SLC2A4: variants seen among roughly 807,000 people sequenced by gnomAD.
The protein encoded by SLC2A4 is solute carrier family 2, facilitated glucose transporter member 4.
SLC2A4 carries 31 observed loss-of-function variants against 53.3 expected under a neutral mutation model. That is an observed-to-expected ratio of 0.58 (90% CI 0.44 to 0.78). The LOEUF (loss-of-function observed/expected upper bound fraction) is 0.78, where lower values mean the gene tolerates loss of function less well. Ranked by LOEUF, SLC2A4 falls within the 30% of genes least tolerant of loss-of-function variation. The probability of loss-of-function intolerance (pLI) is 0.00; values close to 1 mark genes in which losing one functional copy is unlikely to be tolerated. For missense variants in SLC2A4, 538 were observed against 655.7 expected (o/e 0.82, Z 1.96); for synonymous variants, 276 against 281.9 (o/e 0.98, Z 0.21).
chr17:7,285,595 C>A lies in SLC2A4; in HGVS notation c.1123-110C>A. The A allele has an allele frequency of 9.6e-7, 1 of 1,037,640 alleles. No homozygotes were observed. The highest frequency in any genetic ancestry group is 2.5e-5 in the East Asian group (1 of 40,020). The allele number at this position is 1,037,640 out of a possible 1,614,324, so 64.3% of individuals were successfully genotyped here. On this transcript the variant is annotated intron_variant, in intron 9 of 10. Coordinates refer to ENST00000317370, the MANE Select transcript of SLC2A4 (RefSeq NM_001042.3). The surrounding 1 kb of genome is among the most constrained non-coding windows in gnomAD (Gnocchi z 6.0). ...CCTGCTCTAACCCGGGACAGCAGGC[C>A]CCCTACAAGCTGCTGCGGAGGGGGT...
rs1458847190 is a variant in SLC2A4 at position 7,282,954 on chromosome 17, T to C, written c.34-291T>C. ...TGGCCAAGGTCACACAAATCTGAGC[T>C]CTTAAGGCCAAGCCTGTCTCAAGGT... On this transcript the variant is annotated intron_variant, in intron 1 of 10. Transcript: ENST00000317370. The surrounding 1 kb of genome is among the most constrained non-coding windows in gnomAD (Gnocchi z 4.1). 2.3e-6 allele frequency: 1 copy of C among 430,216 alleles called. No homozygotes were observed. The highest frequency in any genetic ancestry group is 3.5e-5 in the Admixed American group (1 of 28,858). The allele number at this position is 430,216 out of a possible 1,614,324, so 26.6% of individuals were successfully genotyped here.
Position 7,283,546 on chromosome 17 carries a change from G to T in SLC2A4, c.224G>T (p.Gly75Val). 1 of 1,614,008 alleles carries T rather than the reference G, an allele frequency of 6.2e-7. No individual in the cohort carries two copies. Among genetic ancestry groups the T allele is most frequent in the Non-Finnish European group, 8.5e-7 (1 of 1,180,000 alleles). ...GPEGPSSIPP[G>V]TLTTLWALSV... ...GAGGGACCCAGCTCCATCCCTCCAG[G>T]CACCCTCACCACCCTCTGGGCCCTC... The change falls in exon 3 of 11, where the codon GGC (glycine) becomes GTC (valine). Residue 75 changes from glycine to valine, a missense_variant. Transcript: ENST00000317370. The surrounding 1 kb of genome is among the most constrained non-coding windows in gnomAD (Gnocchi z 5.8).
chr17:7,286,396 C>T (rs371069453), intron 10 of SLC2A4, 30 bp from the exon 11 acceptor site: 357 of 1,602,048 alleles, frequency 2.2e-4, no homozygotes, highest in Non-Finnish European at 2.9e-4. Context: ...CACCTCACTC[C>T]GTCAACACCT....
In SLC2A4 at chr17:7,285,999, A is replaced by G. The variant is rs984585721; in HGVS notation, c.1326+91A>G. On this transcript the variant is annotated intron_variant, in intron 10 of 10. Coordinates refer to ENST00000317370, the MANE Select transcript of SLC2A4 (RefSeq NM_001042.3). This position sits in a 1 kb window ranked among gnomAD's most constrained non-coding sequence, Gnocchi z 6.0. ...CTGCTTCCCCGTCAGGGACTCCTCC[A>G]GCCACAGACCATGGGTCTTTGGGTC... 1.6e-6 allele frequency: 2 copies of G among 1,218,374 alleles called. No individual in the cohort carries two copies. Among genetic ancestry groups the G allele is most frequent in the Non-Finnish European group, 2.3e-6 (2 of 859,604 alleles). 75.5% of individuals were successfully genotyped at this position (1,218,374 alleles called of 1,614,324 possible).
chr17:7,284,033 G>A lies in SLC2A4; in HGVS notation c.508G>A (p.Gly170Ser), dbSNP rs2072426656. ...GGAGATTGCTCCCACTCACCTGCGG[G>A]GCGCCCTGGGGACGCTCAACCAACT... ...VGEIAPTHLR[G>S]ALGTLNQLAI... is the part of the protein sequence containing the mutation. The change falls in exon 5 of 11, where the codon GGC becomes AGC. Residue 170 changes from glycine to serine, a missense_variant. Physicochemically the swap from Gly to Ser is moderately conservative, Grantham distance 56 (BLOSUM62 0). Coordinates refer to ENST00000317370, the MANE Select transcript of SLC2A4 (RefSeq NM_001042.3). The surrounding 1 kb of genome is among the most constrained non-coding windows in gnomAD (Gnocchi z 7.5). 1.2e-6 allele frequency: 2 copies of A among 1,613,986 alleles called. No homozygotes were observed. The highest frequency in any genetic ancestry group is 4.5e-5 in the East Asian group (2 of 44,876).
chr17:7,286,748 C>A lies in SLC2A4; in HGVS notation c.*119C>A, dbSNP rs1026403268. 4 of 962,448 alleles carry A rather than the reference C, an allele frequency of 4.2e-6. No homozygotes were observed. In the African/African-American group the frequency reaches 4.8e-5, roughly 12 times the overall value. The allele number at this position is 962,448 out of a possible 1,614,324, so 59.6% of individuals were successfully genotyped here. On this transcript the variant is annotated 3_prime_UTR_variant, in exon 11 of 11. Transcript: ENST00000317370. ...ATTTCCGGGTGGAAAAGAATCCCTG[C>A]AGCCTGGTAGAATTGGGAAGCTGGG...
At chr17:7,286,281 G>C in intron 10 of SLC2A4, 145 bp from the exon 11 acceptor site, 4 of 777,882 alleles carry the variant, frequency 5.1e-6, no homozygotes, top group Non-Finnish European at 9.3e-6. Flanking sequence ...TCTCATTCCT[G>C]CTCATTTCCC....
chr17:7,285,419 G>C lies in SLC2A4; in HGVS notation c.1122+230G>C, dbSNP rs2072441437. ...TGTGGCACAACTCTGGCAGCCAGGA[G>C]GGAGAGCCCCTGTCAAGCCTCAGGA... On this transcript the variant is annotated intron_variant, in intron 9 of 10. Coordinates refer to ENST00000317370, the MANE Select transcript of SLC2A4 (RefSeq NM_001042.3). This position sits in a 1 kb window ranked among gnomAD's most constrained non-coding sequence, Gnocchi z 6.0. 6.6e-6 allele frequency among the ~76,000 whole-genome samples: 1 copy of C among 152,210 alleles called. No individual in the cohort carries two copies. Among genetic ancestry groups the C allele is most frequent in the Non-Finnish European group, 1.5e-5 (1 of 68,032 alleles).
rs2072441905 is a variant in SLC2A4 at position 7,285,465 on chromosome 17, A to C, written c.1123-240A>C. Among the ~76,000 whole-genome samples, 1 of 152,182 alleles carries C rather than the reference A, an allele frequency of 6.6e-6. No homozygotes were observed. Among genetic ancestry groups the C allele is most frequent in the Admixed American group, 6.5e-5 (1 of 15,274 alleles). ...CAGGAACAATCATTCCTAAGGACCC[A>C]GCTTTAGAGTCCAGGGAGAGCTGAC... On this transcript the variant is annotated intron_variant, in intron 9 of 10. Coordinates refer to ENST00000317370, the MANE Select transcript of SLC2A4 (RefSeq NM_001042.3). The surrounding 1 kb of genome is among the most constrained non-coding windows in gnomAD (Gnocchi z 6.0).
In SLC2A4 at chr17:7,285,140, C is replaced by T. The variant is rs8192702; in HGVS notation, c.1073C>T (p.Ala358Val). Residue 358 changes from alanine to valine, a missense_variant, in exon 9 of 11, where the codon GCG (alanine) becomes GTG (valine). Ala to Val is a moderately conservative substitution (Grantham distance 64). Transcript: ENST00000317370. This position sits in a 1 kb window ranked among gnomAD's most constrained non-coding sequence, Gnocchi z 6.0. ...CGGACGCTCCATCTCCTGGGCCTGGCGGGCATGTGTGGCTGTGCCATCCTG... is the reference window on the plus strand; with the variant it reads ...CGGACGCTCCATCTCCTGGGCCTGGTGGGCATGTGTGGCTGTGCCATCCTG... ...GRRTLHLLGL[A>V]GMCGCAILMT... The T allele has an allele frequency of 5.6e-3, 9,043 of 1,604,184 alleles. 39 individuals are homozygous for T. Among genetic ancestry groups the T allele is most frequent in the Middle Eastern group, 8.1e-3 (49 of 6,044 alleles).
At position 7,286,460 on chromosome 17, in the gene SLC2A4, C is replaced by T. The variant is rs766922260; in HGVS notation, c.1361C>T (p.Ala454Val). ...AMGPYVFLLF[A>V]VLLLGFFIFT... is the part of the protein sequence containing the mutation. ...GGGCCCTACGTCTTCCTTCTATTTG[C>T]GGTCCTCCTGCTGGGCTTCTTCATC... The change falls in exon 11 of 11, where the codon GCG (alanine) becomes GTG (valine). Residue 454 changes from alanine (A) to valine (V), a missense_variant. Ala to Val is a moderately conservative substitution (Grantham distance 64). Transcript: ENST00000317370. 52 of 1,614,018 alleles carry T rather than the reference C, an allele frequency of 3.2e-5. No homozygotes were observed. The highest frequency in any genetic ancestry group is 1.6e-4 in the Middle Eastern group (1 of 6,084).
At position 7,286,715 on chromosome 17, in the gene SLC2A4, T is replaced by TC. The variant is rs1381225110; in HGVS notation, c.*89dup. ...CCTCTGCAGCACTTTAACCCTCTCT[T>TC]CCCTATTATTTCCGGGTGGAAAAGA... On this transcript the variant is annotated 3_prime_UTR_variant, in exon 11 of 11. Transcript: ENST00000317370. 9.9e-6 allele frequency: 12 copies of TC among 1,214,158 alleles called. No individual in the cohort carries two copies. Among genetic ancestry groups the TC allele is most frequent in the Non-Finnish European group, 1.5e-5 (12 of 823,994 alleles). 75.2% of individuals were successfully genotyped at this position (1,214,158 alleles called of 1,614,324 possible).
At position 7,286,541 on chromosome 17, in the gene SLC2A4, C is replaced by T. The variant is rs2072451941; in HGVS notation, c.1442C>T (p.Ala481Val). The T allele has an allele frequency of 1.9e-6, 3 of 1,614,210 alleles. No homozygotes were observed. The highest frequency in any genetic ancestry group is 2.5e-6 in the Non-Finnish European group (3 of 1,180,036). The change falls in exon 11 of 11, where the codon GCT becomes GTT. Residue 481 changes from alanine (A) to valine (V), a missense_variant. Coordinates refer to ENST00000317370, the MANE Select transcript of SLC2A4 (RefSeq NM_001042.3). Reference protein sequence around the residue: ...TRGRTFDQISAAFHRTPSLLE... With the variant: ...TRGRTFDQISVAFHRTPSLLE... ...GGCCGGACGTTTGACCAGATCTCAG[C>T]TGCCTTCCACCGGACACCCTCTCTT...
In SLC2A4 at chr17:7,287,060, T is replaced by TC. The variant is rs887437938; in HGVS notation, c.*434dup. The TC allele has an allele frequency of 5.8e-6, 1 of 173,656 alleles. No individual in the cohort carries two copies. Among genetic ancestry groups the TC allele is most frequent in the African/African-American group, 2.5e-5 (1 of 39,638 alleles). The allele number at this position is 173,656 out of a possible 1,614,324, so 10.8% of individuals were successfully genotyped here. On this transcript the variant is annotated 3_prime_UTR_variant, in exon 11 of 11. Coordinates refer to ENST00000317370, the MANE Select transcript of SLC2A4 (RefSeq NM_001042.3). ...CCAGTTTCCCACCACCTTGGACTCCTCCCACAATCTGGGACTTTCACTGAA... is the reference window on the plus strand; with the variant it reads ...CCAGTTTCCCACCACCTTGGACTCCTCCCCACAATCTGGGACTTTCACTGAA...
At chr17:7,286,324 TC>T in intron 10 of SLC2A4, 101 bp from the exon 11 acceptor site, 3 of 915,274 alleles carry the variant, frequency 3.3e-6, no homozygotes, top group Non-Finnish European at 1.8e-6. Flanking sequence ...CTGTCTGCCG[TC>T]CCCCCAGCTC....
At position 7,284,733 on chromosome 17, in the gene SLC2A4, G is replaced by A. The variant is rs2072433791; in HGVS notation, c.915+61G>A. On this transcript the variant is annotated intron_variant, in intron 7 of 10. Transcript: ENST00000317370. The surrounding 1 kb of genome is among the most constrained non-coding windows in gnomAD (Gnocchi z 7.5). ...CCGGGAGGGTAGACGAGAGTGGGGA[G>A]CAAACCCCCTCCACCAACACCCAGG... 1 of 1,608,792 alleles carries A rather than the reference G, an allele frequency of 6.2e-7. No homozygotes were observed. The highest frequency in any genetic ancestry group is 8.5e-7 in the Non-Finnish European group (1 of 1,175,516).
Position 7,285,258 on chromosome 17 carries a change from C to A in SLC2A4, c.1122+69C>A. 1 of 1,288,862 alleles carries A rather than the reference C, an allele frequency of 7.8e-7. No homozygotes were observed. The highest frequency in any genetic ancestry group is 1.1e-6 in the Non-Finnish European group (1 of 915,348). 79.8% of individuals were successfully genotyped at this position (1,288,862 alleles called of 1,614,324 possible). ...GAATGGTCCTGTGAGTCTCTGTGAC[C>A]AGCCAGGGTCCCTTCTTAACACACA... On this transcript the variant is annotated intron_variant, in intron 9 of 10. Transcript: ENST00000317370. The surrounding 1 kb of genome is among the most constrained non-coding windows in gnomAD (Gnocchi z 6.0).
chr17:7,285,355 G>T lies in SLC2A4; in HGVS notation c.1122+166G>T, dbSNP rs148643713. Reference sequence around the variant, plus strand: ...GGCTCCAGAATCTGCTGGGATTGTGGTCTGCTCCTGAGGGATTTGGGCTGC... The same window carrying T: ...GGCTCCAGAATCTGCTGGGATTGTGTTCTGCTCCTGAGGGATTTGGGCTGC... On this transcript the variant is annotated intron_variant, in intron 9 of 10. Coordinates refer to ENST00000317370, the MANE Select transcript of SLC2A4 (RefSeq NM_001042.3). This position sits in a 1 kb window ranked among gnomAD's most constrained non-coding sequence, Gnocchi z 6.0. Among the ~76,000 whole-genome samples, 27 of 152,290 alleles carry T rather than the reference G, an allele frequency of 1.8e-4. No homozygotes were observed. Among genetic ancestry groups the T allele is most frequent in the African/African-American group, 6.5e-4 (27 of 41,560 alleles).
chr17:7,282,292 C>T lies in SLC2A4; in HGVS notation c.33+325C>T, dbSNP rs921990762. The T allele has an allele frequency of 5.4e-6, 3 of 550,978 alleles. No individual in the cohort carries two copies. In the African/African-American group the frequency reaches 5.6e-5, roughly 10 times the overall value. The allele number at this position is 550,978 out of a possible 1,614,324, so 34.1% of individuals were successfully genotyped here. A position where few individuals can be genotyped will look rare whatever the true frequency, so the allele number is the denominator to read the frequency against. On this transcript the variant is annotated intron_variant, in intron 1 of 10. Transcript: ENST00000317370. The surrounding 1 kb of genome is among the most constrained non-coding windows in gnomAD (Gnocchi z 4.1). ...TCGATCCGACTCGGGAAAGCAGATCCAGGCGGGTCTTGCCCTCCGGGAGCT... is the reference window on the plus strand; with the variant it reads ...TCGATCCGACTCGGGAAAGCAGATCTAGGCGGGTCTTGCCCTCCGGGAGCT...
Sources: allele counts gnomAD v4.1 joint callset (sites outside exome capture counted in the v4.1 genomes callset), GRCh38; gene constraint gnomAD v4.1.1; non-coding constraint Gnocchi (gnomAD v3.1); transcripts MANE v1.5; gene names NCBI Gene and HGNC (gene_info 2026-07-23, HGNC 2026-07-21).